LRRC8D: variants seen among roughly 807,000 people sequenced by gnomAD.
The protein encoded by LRRC8D is volume-regulated anion channel subunit LRRC8D.
A neutral mutation model predicts 55.8 loss-of-function variants in LRRC8D; 20 were observed. The ratio of observed to expected loss-of-function variants is 0.36; its 90% confidence interval spans 0.25 to 0.52. The LOEUF (loss-of-function observed/expected upper bound fraction) is 0.52. LRRC8D is among the 20% of genes least tolerant of loss of function. The pLI, the probability that LRRC8D is intolerant of heterozygous loss-of-function variation, is 0.93. For missense variants in LRRC8D, 651 were observed against 1,030.8 expected (o/e 0.63, Z 5.05); for synonymous variants, 352 against 377.0 (o/e 0.93, Z 0.77).
rs1663144811 is a variant in LRRC8D at position 89,912,031 on chromosome 1, A to G, written c.-2-21036A>G. Among the ~76,000 whole-genome samples, 2 of 151,818 alleles carry G rather than the reference A, an allele frequency of 1.3e-5. 1 individual carries two copies. Among genetic ancestry groups the G allele is most frequent in the South Asian group, 4.2e-4 (2 of 4,808 alleles). ...GGATTATCTCATCCTGCATATGTGG[A>G]TTAGTCACAAATCTGTAAATCCCAG... On this transcript the variant is annotated intron_variant, in intron 2 of 2. Transcript: ENST00000337338.
At chr1:89,910,796 C>T (rs941166451) in intron 2 of LRRC8D, among the ~76,000 whole-genome samples, 12 of 152,134 alleles carry the variant, frequency 7.9e-5, no homozygotes, top group Non-Finnish European at 1.3e-4. Flanking sequence ...TATGTAAGTG[C>T]TTGGTTATTC....
At chr1:89,854,339 C>G (rs947579101) in intron 2 of LRRC8D, among the ~76,000 whole-genome samples, 5 of 151,608 alleles carry the variant, frequency 3.3e-5, no homozygotes, top group African/African-American at 1.2e-4. Context: ...CATTGAAGGC[C>G]CAGTTGTAGT....
intron 1 of LRRC8D, among the ~76,000 whole-genome samples, chr1:89,839,898 C>T (rs771937654): frequency 3.3e-5 from 5 of 152,174 alleles, no homozygotes; most frequent in East Asian, 3.8e-4. Context: ...CATTTTTAAC[C>T]GCCAAACTAA....
chr1:89,908,079 C>T (rs1473806922), intron 2 of LRRC8D, among the ~76,000 whole-genome samples: 3 of 152,164 alleles, frequency 2.0e-5, no homozygotes, highest in Non-Finnish European at 4.4e-5. Context: ...TACACTAGCT[C>T]ATTTATAAAA....
At chr1:89,922,213 G>A (rs1244539271) in intron 2 of LRRC8D, among the ~76,000 whole-genome samples, 3 of 151,840 alleles carry the variant, frequency 2.0e-5, no homozygotes, top group South Asian at 2.1e-4. Flanking sequence ...ACAGGTGCTC[G>A]CCACCACACC....
chr1:89,838,330 G>A (rs1661050199), intron 1 of LRRC8D, among the ~76,000 whole-genome samples: 1 of 152,130 alleles, frequency 6.6e-6, no homozygotes, highest in Non-Finnish European at 1.5e-5. Context: ...AGCTGAGACT[G>A]TGCCACTGCA....
chr1:89,827,205 G>T (rs1170310276), intron 1 of LRRC8D, among the ~76,000 whole-genome samples: 1 of 151,966 alleles, frequency 6.6e-6, no homozygotes, highest in East Asian at 1.9e-4. Flanking sequence ...AAAAAAATTA[G>T]CCAGATGTGG....
chr1:89,870,873 T>G (rs1320618795), intron 2 of LRRC8D, among the ~76,000 whole-genome samples: 1 of 152,248 alleles, frequency 6.6e-6, no homozygotes, highest in Non-Finnish European at 1.5e-5. Flanking sequence ...TGGTAGTTTT[T>G]AAGCTAACTA....
intron 2 of LRRC8D, among the ~76,000 whole-genome samples, chr1:89,930,399 C>T (rs1325890735): frequency 6.6e-6 from 1 of 151,910 alleles, no homozygotes; most frequent in Non-Finnish European, 1.5e-5. Context: ...TCACCATATT[C>T]GCCAGGCTGG....
intron 2 of LRRC8D, among the ~76,000 whole-genome samples, chr1:89,869,722 AC>A (rs1276028200): frequency 6.6e-6 from 1 of 152,222 alleles, no homozygotes; most frequent in African/African-American, 2.4e-5. Context: ...AGGTCGGGTT[AC>A]CCACAAAGGG....
At position 89,934,912 on chromosome 1, in the gene LRRC8D, A is replaced by G. The variant is rs772040932; in HGVS notation, c.1844A>G (p.Lys615Arg). The G allele has an allele frequency of 1.2e-6, 2 of 1,614,024 alleles. No individual in the cohort carries two copies. The highest frequency in any genetic ancestry group is 2.7e-5 in the African/African-American group (2 of 74,924). ...ACAGATGTGGCTCCACATCTTACAA[A>G]GTTAGTCATTCATAATGACGGCACT... The part of the protein sequence containing the change: ...NITDVAPHLT[K>R]LVIHNDGTKL... The change falls in exon 3 of 3, where the codon AAG (lysine) becomes AGG (arginine). Residue 615 changes from lysine (K) to arginine (R), a missense_variant. Physicochemically the swap from Lys to Arg is conservative, Grantham distance 26. Transcript: ENST00000337338. This position sits in a 1 kb window ranked among gnomAD's most constrained non-coding sequence, Gnocchi z 5.9.
chr1:89,843,491 C>A, intron 1 of LRRC8D, 147 bp from the exon 2 acceptor site: 1 of 462,974 alleles, frequency 2.2e-6, no homozygotes. Flanking sequence ...GGGGTCGCCA[C>A]GGCCAGGGGA....
intron 1 of LRRC8D, among the ~76,000 whole-genome samples, chr1:89,826,120 G>A (rs1373542148): frequency 6.6e-6 from 1 of 152,170 alleles, no homozygotes; most frequent in Non-Finnish European, 1.5e-5. Context: ...ATTTCTTGAG[G>A]GGAAAAGTGT....
At chr1:89,870,846 T>G (rs1661989389) in intron 2 of LRRC8D, among the ~76,000 whole-genome samples, 1 of 152,232 alleles carries the variant, frequency 6.6e-6, no homozygotes. Flanking sequence ...TTTAGCTTTG[T>G]GAACATTTGT....
intron 2 of LRRC8D, among the ~76,000 whole-genome samples, chr1:89,907,183 CTTTTTTTTT>C (rs71584958): frequency 1.4e-5 from 1 of 69,772 alleles, no homozygotes; most frequent in African/African-American, 4.9e-5. Context: ...TCCACTGTGT[CTTTTTTTTT>C]TTTTTTTTTT....
At chr1:89,879,795 A>G (rs747401398) in intron 2 of LRRC8D, among the ~76,000 whole-genome samples, 1 of 152,206 alleles carries the variant, frequency 6.6e-6, no homozygotes, top group Non-Finnish European at 1.5e-5. Context: ...TGCTGTACCC[A>G]TCACAGTGTG....
intron 2 of LRRC8D, among the ~76,000 whole-genome samples, chr1:89,869,873 G>A (rs1253859451): frequency 2.0e-5 from 3 of 152,250 alleles, no homozygotes; most frequent in Admixed American, 2.0e-4. Context: ...ACTTTGGGAG[G>A]CTGAGGCAGG....
At chr1:89,830,044 A>G (rs1557440027) in intron 1 of LRRC8D, among the ~76,000 whole-genome samples, 1 of 152,256 alleles carries the variant, frequency 6.6e-6, no homozygotes, top group Non-Finnish European at 1.5e-5. Flanking sequence ...TAAATGCCAT[A>G]AATATATTCA....
rs779369582 is a variant in LRRC8D at position 89,934,511 on chromosome 1, G to C, written c.1443G>C (p.Gly481=). ...KQELHLFMLS[G]VPDAVFDLTD... ...AGTTGCATCTGTTCATGCTGTCGGG[G>C]GTGCCCGATGCTGTCTTTGACCTCA... The change falls in exon 3 of 3, where the codon GGG becomes GGC. Residue 481 remains glycine, a synonymous_variant. Transcript: ENST00000337338. This position sits in a 1 kb window ranked among gnomAD's most constrained non-coding sequence, Gnocchi z 5.9. The C allele has an allele frequency of 2.5e-5, 41 of 1,614,134 alleles. No homozygotes were observed. The highest frequency in any genetic ancestry group is 3.5e-5 in the Non-Finnish European group (41 of 1,180,006).
Sources: gnomAD v4.1 joint callset for allele counts (sites outside exome capture counted in the v4.1 genomes callset) on GRCh38, gnomAD v4.1.1 for gene constraint, Gnocchi (gnomAD v3.1) non-coding constraint, MANE v1.5 for transcripts, NCBI Gene and HGNC (gene_info 2026-07-23, HGNC 2026-07-21) for gene names.